The following TMEM132D variants were observed in gnomAD, a reference collection of about 807,000 sequenced individuals.
TMEM132D encodes transmembrane protein 132D, also known as mature OL transmembrane protein.
TMEM132D carries 21 observed loss-of-function variants against 62.3 expected under a neutral mutation model. That is an observed-to-expected ratio of 0.34 (90% CI 0.24 to 0.49). The LOEUF (loss-of-function observed/expected upper bound fraction) is 0.49, where lower values mean the gene tolerates loss of function less well. TMEM132D is among the 20% of genes least tolerant of loss of function. The pLI, the probability that TMEM132D is intolerant of heterozygous loss-of-function variation, is 0.99. For missense variants in TMEM132D, 1,346 were observed against 1,402.8 expected (o/e 0.96, Z 0.65); for synonymous variants, 621 against 575.6 (o/e 1.08, Z -1.13).
At chr12:129,521,155 T>C (rs1273774300) in intron 3 of TMEM132D, 1 of 152,238 alleles carries the variant, frequency 6.6e-6, no homozygotes, top group African/African-American at 2.4e-5. Context: ...AAACCCATTT[T>C]ACTCTGGAGG....
chr12:129,815,499 C>T (rs564182614), intron 1 of TMEM132D, among the ~76,000 whole-genome samples: 1 of 152,194 alleles, frequency 6.6e-6, no homozygotes, highest in East Asian at 1.9e-4. Flanking sequence ...ACTGTCTCAC[C>T]GTTCCAGGAG....
rs1875421566 is a variant in TMEM132D at position 129,903,110 on chromosome 12, T to G, written c.79+151A>C. ...AGCTTGGCTGCCGCACGAGCGCACG[T>G]TCACACGCGCGCACACACACATGCA... On this transcript the variant is annotated intron_variant, in intron 1 of 8. Coordinates refer to ENST00000422113, the MANE Select transcript of TMEM132D (RefSeq NM_133448.3). The surrounding 1 kb of genome is among the most constrained non-coding windows in gnomAD (Gnocchi z 6.2). The G allele has an allele frequency of 1.2e-6, 1 of 862,662 alleles. No homozygotes were observed. The highest frequency in any genetic ancestry group is 1.8e-6 in the Non-Finnish European group (1 of 557,312). 53.4% of individuals were successfully genotyped at this position (862,662 alleles called of 1,614,324 possible).
Position 129,711,714 on chromosome 12 carries a change from C to T in TMEM132D, c.80-11016G>A, listed in dbSNP as rs1374582447. Reference sequence around the variant, plus strand: ...TGCACTCCAGCCTTGGCAACAAGAGCGAAATTCCATCTCCAAAAAAAAAAA... The same window carrying T: ...TGCACTCCAGCCTTGGCAACAAGAGTGAAATTCCATCTCCAAAAAAAAAAA... On this transcript the variant is annotated intron_variant, in intron 1 of 8. Coordinates refer to ENST00000422113, the MANE Select transcript of TMEM132D (RefSeq NM_133448.3). 5.5e-4 allele frequency among the ~76,000 whole-genome samples: 63 copies of T among 115,584 alleles called. 1 individual carries two copies. Among genetic ancestry groups the T allele is most frequent in the Middle Eastern group, 6.3e-3 (1 of 160 alleles). The allele number at this position is 115,584 out of a possible 152,430, so 75.8% of individuals were successfully genotyped here.
At chr12:129,691,270 T>C (rs1881055199) in intron 2 of TMEM132D, among the ~76,000 whole-genome samples, 2 of 151,990 alleles carry the variant, frequency 1.3e-5, no homozygotes, top group African/African-American at 4.8e-5. Context: ...TAATTAGTGT[T>C]AAGTGTAGAC....
intron 4 of TMEM132D, among the ~76,000 whole-genome samples, chr12:129,292,398 G>A (rs138708275): frequency 6.6e-6 from 1 of 152,332 alleles, no homozygotes; most frequent in African/African-American, 2.4e-5. Context: ...TTATAGAGAA[G>A]AGGGAGCTAT....
chr12:129,495,056 A>C (rs1004146739), intron 3 of TMEM132D, among the ~76,000 whole-genome samples: 2 of 152,164 alleles, frequency 1.3e-5, no homozygotes, highest in South Asian at 4.1e-4. Context: ...CCAGAAACAT[A>C]GGCTGCCTGA....
At chr12:129,108,270 G>A (rs903886368) in intron 5 of TMEM132D, among the ~76,000 whole-genome samples, 8 of 152,096 alleles carry the variant, frequency 5.3e-5, no homozygotes, top group Admixed American at 1.3e-4. Context: ...CCATCACATC[G>A]TGGCCACTGG....
chr12:129,594,536 C>T (rs1021284560), intron 2 of TMEM132D, among the ~76,000 whole-genome samples: 3 of 152,182 alleles, frequency 2.0e-5, no homozygotes, highest in African/African-American at 7.2e-5. Context: ...TTGGAAAGCA[C>T]AGCCTTTACT....
chr12:129,134,538 C>A (rs1043934566), intron 5 of TMEM132D, among the ~76,000 whole-genome samples: 4 of 152,132 alleles, frequency 2.6e-5, no homozygotes, highest in African/African-American at 7.2e-5. Context: ...TTCTGTCAGG[C>A]ATTTTTCCAA....
chr12:129,269,160 A>G (rs1055136078), intron 4 of TMEM132D, among the ~76,000 whole-genome samples: 35 of 152,130 alleles, frequency 2.3e-4, no homozygotes, highest in African/African-American at 8.4e-4. Flanking sequence ...CCTAGAACTT[A>G]AAGTATAATA....
At chr12:129,617,784 A>G (rs1041469463) in intron 2 of TMEM132D, among the ~76,000 whole-genome samples, 4 of 152,184 alleles carry the variant, frequency 2.6e-5, no homozygotes, top group Admixed American at 2.6e-4. Context: ...TCATAAGGGC[A>G]CTAATCCCAT....
chr12:129,078,873 C>G, intron 7 of TMEM132D, 148 bp from the exon 8 acceptor site: 1 of 742,642 alleles, frequency 1.3e-6, no homozygotes, highest in Non-Finnish European at 2.2e-6. Context: ...ACTCACACCA[C>G]CTTCTGAATC....
intron 5 of TMEM132D, among the ~76,000 whole-genome samples, chr12:129,196,469 G>A (rs1008965532): frequency 1.3e-5 from 2 of 152,220 alleles, no homozygotes; most frequent in Non-Finnish European, 2.9e-5. Context: ...AGCATGGGGA[G>A]GTCATGTGGT....
intron 3 of TMEM132D, among the ~76,000 whole-genome samples, chr12:129,514,884 C>A (rs373550651): frequency 3.3e-5 from 5 of 152,114 alleles, no homozygotes; most frequent in Non-Finnish European, 7.4e-5. Flanking sequence ...TAGAGTCCAG[C>A]GTAAGACAAT....
Position 129,074,129 on chromosome 12 carries a change from G to A in TMEM132D, c.3046C>T (p.Leu1016=), listed in dbSNP as rs2135601916. Residue 1016 remains leucine, a synonymous_variant, in exon 9 of 9, where the codon CTG becomes TTG. Transcript: ENST00000422113. ...ATGATGGGTCCCAAAGGTTTGAACA[G>A]CTGCCCATTGATGCTTTTTTGGGAG... ...TNSQKSINGQ[L]FKPLGPIIID... 3 of 1,614,118 alleles carry A rather than the reference G, an allele frequency of 1.9e-6. No individual in the cohort carries two copies. Among genetic ancestry groups the A allele is most frequent in the Non-Finnish European group, 2.5e-6 (3 of 1,179,998 alleles).
At chr12:129,300,641 C>T (rs1254438625) in intron 4 of TMEM132D, among the ~76,000 whole-genome samples, 1 of 152,070 alleles carries the variant, frequency 6.6e-6, no homozygotes, top group Non-Finnish European at 1.5e-5. Flanking sequence ...TTTTTCCTGT[C>T]AATGCTGAAT....
intron 4 of TMEM132D, among the ~76,000 whole-genome samples, chr12:129,292,424 C>T (rs1180378298): frequency 6.6e-6 from 1 of 152,170 alleles, no homozygotes; most frequent in Non-Finnish European, 1.5e-5. Flanking sequence ...CCCTTCATTG[C>T]TAATCAAATC....
chr12:129,558,847 C>T (rs1877134645), intron 2 of TMEM132D, among the ~76,000 whole-genome samples: 1 of 152,146 alleles, frequency 6.6e-6, no homozygotes, highest in Non-Finnish European at 1.5e-5. Flanking sequence ...AAATGTTGTC[C>T]TGAGAAACAC....
chr12:129,882,928 C>T (rs75586591), intron 1 of TMEM132D, among the ~76,000 whole-genome samples: 4,694 of 152,174 alleles, frequency 0.031, 235 homozygotes, highest in African/African-American at 0.11. Flanking sequence ...TCATACTTAA[C>T]GTTGTAAAAT....
Sources: gnomAD v4.1 joint callset for allele counts (sites outside exome capture counted in the v4.1 genomes callset) on GRCh38, gnomAD v4.1.1 for gene constraint, Gnocchi (gnomAD v3.1) non-coding constraint, MANE v1.5 for transcripts, NCBI Gene and HGNC (gene_info 2026-07-23, HGNC 2026-07-21) for gene names.